SMCHD1: variants seen among roughly 807,000 people sequenced by gnomAD.
The protein encoded by SMCHD1 is structural maintenance of chromosomes flexible hinge domain containing 1.
Under a neutral mutation model 254.7 loss-of-function variants are expected in SMCHD1, and 78 were observed. The ratio of observed to expected loss-of-function variants is 0.31; its 90% CI spans 0.26 to 0.37. SMCHD1 has a LOEUF of 0.37. Ranked by LOEUF, SMCHD1 falls within the 10% of genes least tolerant of loss-of-function variation. The probability of loss-of-function intolerance (pLI) is 1.00; values close to 1 mark genes in which losing one functional copy is unlikely to be tolerated. For missense variants in SMCHD1, 1,840 were observed against 2,408.1 expected, an observed-to-expected ratio of 0.76 and a Z score of 4.94; for synonymous variants, 766 against 794.9, an observed-to-expected ratio of 0.96 and a Z score of 0.61.
chr18:2,745,061 T>C (rs2075425458), intron 29 of SMCHD1, among the ~76,000 whole-genome samples: 1 of 152,218 alleles, frequency 6.6e-6, no homozygotes, highest in African/African-American at 2.4e-5. Flanking sequence ...ATGGTTGGTC[T>C]CAAACTCCTG....
At position 2,740,710 on chromosome 18, in the gene SMCHD1, A is replaced by T. The variant is rs775725865; in HGVS notation, c.3522A>T (p.Ile1174=). 5.8e-6 allele frequency: 9 copies of T among 1,562,742 alleles called. No homozygotes were observed. In the African/African-American group the frequency reaches 9.5e-5, roughly 17 times the overall value. The change falls in exon 28 of 48, where the codon ATA becomes ATT. Residue 1174 remains isoleucine (I), a synonymous_variant. Transcript: ENST00000320876. ...AACTTCCCCCTTTTTTAGTTATAATAATTACAGATCAGTACGGAAATCAGA... is the reference window on the plus strand; with the variant it reads ...AACTTCCCCCTTTTTTAGTTATAATTATTACAGATCAGTACGGAAATCAGA... The part of the protein sequence containing the change: ...GQELQGEVVI[I]ITDQYGNQIQ...
intron 24 of SMCHD1, among the ~76,000 whole-genome samples, chr18:2,732,054 T>C (rs1246827252): frequency 6.6e-6 from 1 of 152,142 alleles, no homozygotes; most frequent in East Asian, 1.9e-4. Context: ...CCACATACAA[T>C]TGTTTTTATT....
chr18:2,694,584 A>G lies in SMCHD1; in HGVS notation c.931A>G (p.Ile311Val), dbSNP rs758650082. Reference protein sequence around the residue: ...DDERFLHHLIIEEKEKDSFTA... With the variant: ...DDERFLHHLIVEEKEKDSFTA... ...TGAAAGATTTCTACATCATCTTATC[A>G]TAGAGGAGAAGGAAAAAGATAGCTT... is the stretch of plus-strand genomic sequence containing the variant. Residue 311 changes from isoleucine to valine, a missense_variant, in exon 8 of 48, where the codon ATA becomes GTA. Around this residue, in one of 9 missense-constraint regions of SMCHD1, gnomAD observed 498 missense variants for 743.5 expected, o/e 0.67. Transcript: ENST00000320876. 1.2e-6 allele frequency: 2 copies of G among 1,609,644 alleles called. No individual in the cohort carries two copies. The highest frequency in any genetic ancestry group is 1.7e-6 in the Non-Finnish European group (2 of 1,177,034).
At chr18:2,712,120 T>C (rs1342781303) in intron 17 of SMCHD1, among the ~76,000 whole-genome samples, 1 of 152,168 alleles carries the variant, frequency 6.6e-6, no homozygotes, top group African/African-American at 2.4e-5. Flanking sequence ...CAACACTATA[T>C]AGACTAAGGT....
intron 10 of SMCHD1, 43 bp from the exon 11 acceptor site, chr18:2,700,495 AT>A: frequency 6.4e-7 from 1 of 1,554,008 alleles, no homozygotes; most frequent in Middle Eastern, 1.7e-4. Context: ...TATTTCTCAC[AT>A]TTTAGCAATA....
At chr18:2,784,403 A>C in intron 44 of SMCHD1, 47 bp from the exon 45 acceptor site, 1 of 1,361,224 alleles carries the variant, frequency 7.3e-7, no homozygotes, top group Non-Finnish European at 1.0e-6. Context: ...TTTTTGGAGC[A>C]GTTGAAATAA....
At chr18:2,711,528 G>A (rs1175429103) in intron 17 of SMCHD1, among the ~76,000 whole-genome samples, 3 of 140,424 alleles carry the variant, frequency 2.1e-5, no homozygotes, top group African/African-American at 8.1e-5. Context: ...TGTCGCCCAG[G>A]CTGGAGTGCA....
At chr18:2,708,138 G>A (rs888378543) in intron 17 of SMCHD1, among the ~76,000 whole-genome samples, 9 of 151,852 alleles carry the variant, frequency 5.9e-5, no homozygotes, top group Non-Finnish European at 1.0e-4. Context: ...TTTCATGTGG[G>A]TAACTGGGCT....
At chr18:2,708,241 A>AT (rs2074566690) in intron 17 of SMCHD1, among the ~76,000 whole-genome samples, 2 of 117,912 alleles carry the variant, frequency 1.7e-5, no homozygotes, top group African/African-American at 5.6e-5. Flanking sequence ...AATTACAGTA[A>AT]TAATTACAGT....
intron 25 of SMCHD1, among the ~76,000 whole-genome samples, chr18:2,733,147 G>A (rs528684244): frequency 6.6e-6 from 1 of 152,208 alleles, no homozygotes; most frequent in Non-Finnish European, 1.5e-5. Context: ...AAAGAATAGT[G>A]GACAGTCTAT....
At chr18:2,662,187 AT>A (rs1266433204) in intron 1 of SMCHD1, among the ~76,000 whole-genome samples, 18,206 of 109,326 alleles carry the variant, frequency 0.17, 3,598 homozygotes, top group African/African-American at 0.49. Context: ...AATAAAATAA[AT>A]AAATAAATAA....
chr18:2,802,502 C>CT (rs761431352), intron 47 of SMCHD1, 26 bp from the exon 48 acceptor site: 20 of 1,541,484 alleles, frequency 1.3e-5, no homozygotes, highest in Admixed American at 6.0e-5. Context: ...GTACATAAAA[C>CT]TTTTTTTTCT....
chr18:2,691,502 CT>C (rs1310803342), intron 7 of SMCHD1, among the ~76,000 whole-genome samples: 1 of 152,130 alleles, frequency 6.6e-6, no homozygotes, highest in African/African-American at 2.4e-5. Flanking sequence ...ACAGTCTTAC[CT>C]TTTCTAAAGA....
chr18:2,765,674 G>GT (rs2075853989), intron 37 of SMCHD1, among the ~76,000 whole-genome samples: 1 of 152,246 alleles, frequency 6.6e-6, no homozygotes, highest in Admixed American at 6.5e-5. Flanking sequence ...ACCCTGAACA[G>GT]TGACTGCTCC....
chr18:2,747,308 C>T (rs921346679), intron 29 of SMCHD1, among the ~76,000 whole-genome samples: 1 of 152,118 alleles, frequency 6.6e-6, no homozygotes, highest in African/African-American at 2.4e-5. Flanking sequence ...ACTGTAATGT[C>T]AGGTGTTGCT....
At chr18:2,666,260 G>A in intron 2 of SMCHD1, 28 bp downstream of exon 2, 1 of 1,074,826 alleles carries the variant, frequency 9.3e-7, no homozygotes, top group Non-Finnish European at 1.4e-6. Context: ...CTAAGTTGAT[G>A]CTTTTATATT....
intron 17 of SMCHD1, among the ~76,000 whole-genome samples, chr18:2,715,487 A>T (rs531940619): frequency 2.0e-5 from 3 of 152,048 alleles, no homozygotes; most frequent in Non-Finnish European, 4.4e-5. Context: ...TAAATTTCTC[A>T]TTCATATCCT....
chr18:2,800,325 G>C (rs974984246), intron 47 of SMCHD1, among the ~76,000 whole-genome samples: 19 of 151,984 alleles, frequency 1.3e-4, no homozygotes, highest in African/African-American at 4.6e-4. Flanking sequence ...CTTGTCAACA[G>C]GCATGAAAAG....
At chr18:2,728,242 C>T in intron 22 of SMCHD1, 1 of 465,530 alleles carries the variant, frequency 2.1e-6, no homozygotes, top group Non-Finnish European at 3.8e-6. Flanking sequence ...AGCCTAGACA[C>T]CAAGCATTTT....
Sources: allele counts gnomAD v4.1 joint callset (sites outside exome capture counted in the v4.1 genomes callset), GRCh38; gene constraint gnomAD v4.1.1; regional missense constraint gnomAD v4.1.1; transcripts MANE v1.5; gene names NCBI Gene and HGNC (gene_info 2026-07-23, HGNC 2026-07-21).